Variants in PTPRD observed in about 807,000 individuals in gnomAD.
PTPRD encodes protein tyrosine phosphatase receptor type D, also known as receptor-type tyrosine-protein phosphatase delta.
A neutral mutation model predicts 214.5 loss-of-function variants in PTPRD; 34 were observed. The observed-to-expected ratio is 0.16, with a 90% CI of 0.12 to 0.21. The LOEUF is 0.21. Among genes scored for constraint, PTPRD ranks in the 10% least tolerant of loss-of-function variants. PTPRD has a pLI of 1.00. For missense variants in PTPRD, 2,545 were observed against 2,398.7 expected (o/e 1.06, Z -1.27); for synonymous variants, 1,128 against 845.7 (o/e 1.33, Z -5.79).
intron 7 of PTPRD, among the ~76,000 whole-genome samples, chr9:9,582,266 C>A (rs1342729661): frequency 6.6e-6 from 1 of 152,088 alleles, no homozygotes; most frequent in Non-Finnish European, 1.5e-5. Flanking sequence ...GTTGGGTAAG[C>A]AAAGTCTAAA....
intron 7 of PTPRD, among the ~76,000 whole-genome samples, chr9:9,706,071 C>T (rs1040500409): frequency 3.7e-4 from 57 of 152,112 alleles, no homozygotes; most frequent in Non-Finnish European, 6.6e-4. Context: ...CTAAGTAACA[C>T]GCATAACAGT....
At chr9:10,193,886 T>C (rs59067297) in intron 3 of PTPRD, among the ~76,000 whole-genome samples, 2,238 of 152,136 alleles carry the variant, frequency 0.015, 54 homozygotes, top group African/African-American at 0.051. Flanking sequence ...TAAGGAAACA[T>C]AGAATCACAT....
At chr9:9,475,076 A>G (rs2146741332) in intron 8 of PTPRD, among the ~76,000 whole-genome samples, 1 of 152,326 alleles carries the variant, frequency 6.6e-6, no homozygotes, top group East Asian at 1.9e-4. Context: ...CTCTAACTAT[A>G]GCCAGGGGTG....
intron 14 of PTPRD, among the ~76,000 whole-genome samples, chr9:8,552,312 T>A (rs2140849005): frequency 6.6e-6 from 1 of 152,294 alleles, no homozygotes; most frequent in South Asian, 2.1e-4. Context: ...GCGGTGCCTG[T>A]CAAAAAGGGA....
At chr9:10,212,347 T>C (rs2099521300) in intron 3 of PTPRD, among the ~76,000 whole-genome samples, 1 of 152,120 alleles carries the variant, frequency 6.6e-6, no homozygotes, top group East Asian at 1.9e-4. Context: ...CATAAACGTG[T>C]AGCTAAAAGT....
intron 14 of PTPRD, among the ~76,000 whole-genome samples, chr9:8,529,176 T>C (rs1287194617): frequency 6.6e-6 from 1 of 151,986 alleles, no homozygotes; most frequent in Non-Finnish European, 1.5e-5. Context: ...TTAGAAAGAT[T>C]CGGGAATGTC....
intron 12 of PTPRD, among the ~76,000 whole-genome samples, chr9:8,718,132 T>A (rs1258912885): frequency 6.6e-6 from 1 of 152,186 alleles, no homozygotes; most frequent in East Asian, 1.9e-4. Context: ...CTTGTAAAGC[T>A]GGAAAATCAG....
chr9:10,144,699 T>G (rs1367943854), intron 3 of PTPRD, among the ~76,000 whole-genome samples: 1 of 152,094 alleles, frequency 6.6e-6, no homozygotes, highest in Non-Finnish European at 1.5e-5. Context: ...TGGGACTAGC[T>G]TCGTTAGATA....
chr9:8,724,231 C>T (rs1004522714), intron 12 of PTPRD, among the ~76,000 whole-genome samples: 1 of 152,184 alleles, frequency 6.6e-6, no homozygotes, highest in Non-Finnish European at 1.5e-5. Flanking sequence ...CAAAGGATTA[C>T]TTATAAGGTA....
chr9:8,969,937 A>T (rs1204219918), intron 11 of PTPRD, among the ~76,000 whole-genome samples: 1 of 152,002 alleles, frequency 6.6e-6, no homozygotes, highest in African/African-American at 2.4e-5. Context: ...GTCATCATAG[A>T]TGAAAGCATG....
chr9:9,654,807 C>CAA (rs2096465526), intron 7 of PTPRD, among the ~76,000 whole-genome samples: 1 of 152,050 alleles, frequency 6.6e-6, no homozygotes, highest in Non-Finnish European at 1.5e-5. Context: ...AAGTGTATAA[C>CAA]AAATGACTTT....
chr9:9,514,484 G>T (rs1192980650), intron 8 of PTPRD, among the ~76,000 whole-genome samples: 2 of 152,062 alleles, frequency 1.3e-5, no homozygotes, highest in Admixed American at 6.6e-5. Flanking sequence ...TCCTTAGGAA[G>T]TAGACAGAGA....
chr9:8,851,047 T>G (rs2097798825), intron 11 of PTPRD, among the ~76,000 whole-genome samples: 1 of 152,158 alleles, frequency 6.6e-6, no homozygotes, highest in Non-Finnish European at 1.5e-5. Flanking sequence ...AGTAAATTCC[T>G]TGCCTCCATC....
chr9:9,265,710 A>G (rs1488628351), intron 9 of PTPRD, among the ~76,000 whole-genome samples: 1 of 151,462 alleles, frequency 6.6e-6, no homozygotes, highest in Non-Finnish European at 1.5e-5. Context: ...AAGAATCTAT[A>G]GTATATACAC....
intron 14 of PTPRD, among the ~76,000 whole-genome samples, chr9:8,538,196 C>T (rs2077419395): frequency 6.6e-6 from 1 of 151,964 alleles, no homozygotes; most frequent in Non-Finnish European, 1.5e-5. Flanking sequence ...TATACTCACC[C>T]TTTACATCCA....
intron 12 of PTPRD, among the ~76,000 whole-genome samples, chr9:8,654,490 T>A (rs1443631524): frequency 1.3e-5 from 2 of 152,132 alleles, no homozygotes; most frequent in Admixed American, 6.6e-5. Flanking sequence ...ATGAGCATAT[T>A]TGGTTAAAGC....
intron 2 of PTPRD, among the ~76,000 whole-genome samples, chr9:10,537,863 A>G (rs1027967688): frequency 6.6e-6 from 1 of 152,144 alleles, no homozygotes; most frequent in East Asian, 1.9e-4. Flanking sequence ...TTGCCAGATC[A>G]GCACCCTTAT....
At chr9:9,631,822 C>T (rs2095603877) in intron 7 of PTPRD, among the ~76,000 whole-genome samples, 1 of 152,098 alleles carries the variant, frequency 6.6e-6, no homozygotes, top group Non-Finnish European at 1.5e-5. Flanking sequence ...GAACAAATAA[C>T]CCAATTCAGC....
At chr9:10,287,379 A>G (rs1334402134) in intron 3 of PTPRD, among the ~76,000 whole-genome samples, 1 of 152,114 alleles carries the variant, frequency 6.6e-6, no homozygotes, top group African/African-American at 2.4e-5. Context: ...AAACCTGTAC[A>G]CTCATAGCAA....
Sources: gnomAD v4.1 joint callset for allele counts (sites outside exome capture counted in the v4.1 genomes callset) on GRCh38, gnomAD v4.1.1 for gene constraint, MANE v1.5 for transcripts, NCBI Gene and HGNC (gene_info 2026-07-23, HGNC 2026-07-21) for gene names.